NEK1: variants seen among roughly 807,000 people sequenced by gnomAD.
NEK1 encodes NIMA related kinase 1.
A neutral mutation model predicts 182.1 loss-of-function variants in NEK1; 137 were observed. The ratio of observed to expected loss-of-function variants is 0.75; its 90% CI spans 0.65 to 0.87. The LOEUF (loss-of-function observed/expected upper bound fraction) is 0.87. Ranked by LOEUF, NEK1 falls within the 40% of genes least tolerant of loss-of-function variation. NEK1 has a pLI of 0.00. For missense variants in NEK1, 1,391 were observed against 1,494.4 expected, an observed-to-expected ratio of 0.93 and a Z score of 1.14; for synonymous variants, 513 against 492.2, an observed-to-expected ratio of 1.04 and a Z score of -0.56.
intron 23 of NEK1, among the ~76,000 whole-genome samples, chr4:169,492,623 G>C (rs978556920): frequency 6.6e-6 from 1 of 152,158 alleles, no homozygotes; most frequent in African/African-American, 2.4e-5. Flanking sequence ...GATCCAAACT[G>C]AGATGGCAGT....
intron 10 of NEK1, among the ~76,000 whole-genome samples, chr4:169,583,390 A>C (rs888600319): frequency 2.6e-5 from 4 of 152,228 alleles, no homozygotes; most frequent in African/African-American, 9.6e-5. Context: ...AGTAGAAAAT[A>C]AATCTGAGAA....
chr4:169,501,774 A>C (rs965392741), intron 23 of NEK1, among the ~76,000 whole-genome samples: 4 of 152,172 alleles, frequency 2.6e-5, no homozygotes, highest in African/African-American at 9.6e-5. Flanking sequence ...AGTTTACAGC[A>C]TTAAATGCTT....
intron 33 of NEK1, among the ~76,000 whole-genome samples, chr4:169,401,212 C>T (rs1731622298): frequency 6.6e-6 from 1 of 152,162 alleles, no homozygotes. Flanking sequence ...AACAGACACA[C>T]TTTCTATGCA....
At chr4:169,548,161 G>A (rs1004892263) in intron 18 of NEK1, among the ~76,000 whole-genome samples, 1 of 152,186 alleles carries the variant, frequency 6.6e-6, no homozygotes, top group African/African-American at 2.4e-5. Context: ...GTCTCTGAGT[G>A]TATGTCCTTT....
chr4:169,570,488 CCGTCCGG>C (rs1764592240), intron 12 of NEK1, among the ~76,000 whole-genome samples: 1 of 151,334 alleles, frequency 6.6e-6, no homozygotes, highest in African/African-American at 2.4e-5. Context: ...GCCAGCCGCC[CCGTCCGG>C]AAGGGAGGTG....
rs1733280904 is a variant in NEK1 at position 169,409,518 on chromosome 4, C to G, written c.3223-2771G>C. ...AGTGGCTCACTCACACCTGCAATCC[C>G]AGCACTTTGGGAGGCCGAGGCAGAT... On this transcript the variant is annotated intron_variant, in intron 31 of 35. Transcript: ENST00000507142. Among the ~76,000 whole-genome samples, 3 of 152,076 alleles carry G rather than the reference C, an allele frequency of 2.0e-5. No individual in the cohort carries two copies. The South Asian group carries it at 6.2e-4, about 32-fold the overall frequency.
At chr4:169,500,675 A>G (rs1439570846) in intron 23 of NEK1, among the ~76,000 whole-genome samples, 1 of 152,212 alleles carries the variant, frequency 6.6e-6, no homozygotes, top group Non-Finnish European at 1.5e-5. Flanking sequence ...AGCTTCATAA[A>G]CAAAGGAGAA....
rs1279183014 is a variant in NEK1 at position 169,507,061 on chromosome 4, T to C, written c.1983A>G (p.Arg661=). 2 of 1,608,168 alleles carry C rather than the reference T, an allele frequency of 1.2e-6. No individual in the cohort carries two copies. The highest frequency in any genetic ancestry group is 1.7e-6 in the Non-Finnish European group (2 of 1,177,218). ...LERKRKEAYE[R]EKKVWEEHLV... ...CATGCTCTTCCCACACTTTTTTTTC[T>C]CTCTCATAAGCCTCCTTTCTCTTTC... The change falls in exon 23 of 36, where the codon AGA becomes AGG. Residue 661 remains arginine, a synonymous_variant. Transcript: ENST00000507142.
In NEK1 at chr4:169,571,555, C is replaced by T. The variant is rs150747852; in HGVS notation, c.1020+5373G>A. 7.1e-3 allele frequency among the ~76,000 whole-genome samples: 1,088 copies of T among 152,204 alleles called. 7 individuals are homozygous for T. The highest frequency in any genetic ancestry group is 0.012 in the Non-Finnish European group (807 of 68,012). On this transcript the variant is annotated intron_variant, in intron 12 of 35. Transcript: ENST00000507142. ...TCATAAAGCAAGTTTTGAGCACAGA[C>T]CTCAAAGAAAAGACAGCAGCAAGTA...
At chr4:169,563,960 G>C (rs765118490) in intron 12 of NEK1, among the ~76,000 whole-genome samples, 1 of 151,796 alleles carries the variant, frequency 6.6e-6, no homozygotes, top group Non-Finnish European at 1.5e-5. Flanking sequence ...ATTATTTTTT[G>C]ATAAAATGCC....
Position 169,479,391 on chromosome 4 carries a change from T to C in NEK1, c.2139+12A>G. 1 of 1,605,656 alleles carries C rather than the reference T, an allele frequency of 6.2e-7. No homozygotes were observed. Among genetic ancestry groups the C allele is most frequent in the South Asian group, 1.1e-5 (1 of 88,186 alleles). On this transcript the variant is annotated intron_variant, in intron 24 of 35. Transcript: ENST00000507142. ...TTTGACTTTGAGGAGTTCTGAATCTTAGGAAACTTACCACGCCAACTTCTT... is the reference window on the plus strand; with the variant it reads ...TTTGACTTTGAGGAGTTCTGAATCTCAGGAAACTTACCACGCCAACTTCTT...
At chr4:169,591,937 G>A (rs1387108380) in intron 5 of NEK1, among the ~76,000 whole-genome samples, 2 of 151,874 alleles carry the variant, frequency 1.3e-5, no homozygotes, top group African/African-American at 4.8e-5. Context: ...AAAAGTACTG[G>A]CAGACAAAAT....
chr4:169,457,473 C>G (rs11723499), intron 27 of NEK1, among the ~76,000 whole-genome samples: 3,858 of 151,344 alleles, frequency 0.025, 70 homozygotes, highest in Non-Finnish European at 0.036. Context: ...ATACTAGATG[C>G]CCGGTATGGT....
At chr4:169,412,964 T>C (rs982703473) in intron 31 of NEK1, among the ~76,000 whole-genome samples, 1 of 151,724 alleles carries the variant, frequency 6.6e-6, no homozygotes, top group African/African-American at 2.4e-5. Flanking sequence ...AGATTGAGAT[T>C]GAATGTCTCT....
chr4:169,611,477 A>C (rs572967079), intron 2 of NEK1, among the ~76,000 whole-genome samples: 5 of 152,222 alleles, frequency 3.3e-5, no homozygotes, highest in Non-Finnish European at 7.3e-5. Flanking sequence ...ATTGGATGCC[A>C]CTTTTAATCC....
Position 169,501,489 on chromosome 4 carries a change from C to T in NEK1, c.2007+5548G>A, listed in dbSNP as rs555567067. The stretch of plus-strand genomic sequence containing the variant: ...ACAGAACATAGTCTAAGACTGACCA[C>T]ATACTCAGTCATAAAGCAAGTCTCA... On this transcript the variant is annotated intron_variant, in intron 23 of 35. Coordinates refer to ENST00000507142, the MANE Select transcript of NEK1 (RefSeq NM_001199397.3). Among the ~76,000 whole-genome samples the T allele has an allele frequency of 7.2e-5, 11 of 152,258 alleles. No individual in the cohort carries two copies. In the East Asian group the frequency reaches 2.1e-3, roughly 29 times the overall value.
intron 19 of NEK1, among the ~76,000 whole-genome samples, chr4:169,513,834 A>G (rs1231768688): frequency 6.6e-6 from 1 of 151,916 alleles, no homozygotes; most frequent in East Asian, 1.9e-4. Context: ...AATCATATGA[A>G]TTTCCTTCTT....
chr4:169,403,606 A>C (rs576629956), intron 32 of NEK1, among the ~76,000 whole-genome samples: 4 of 152,086 alleles, frequency 2.6e-5, no homozygotes, highest in Non-Finnish European at 4.4e-5. Flanking sequence ...AGATCAACGA[A>C]GTATGCACAC....
At chr4:169,571,998 C>T (rs1764944362) in intron 12 of NEK1, among the ~76,000 whole-genome samples, 1 of 151,562 alleles carries the variant, frequency 6.6e-6, no homozygotes, top group South Asian at 2.1e-4. Flanking sequence ...ACAAGGCCCA[C>T]CTCCCAAAGT....
Sources: allele counts gnomAD v4.1 joint callset (sites outside exome capture counted in the v4.1 genomes callset), GRCh38; gene constraint gnomAD v4.1.1; transcripts MANE v1.5; gene names NCBI Gene and HGNC (gene_info 2026-07-23, HGNC 2026-07-21).